NDUFAF6: variants seen among roughly 807,000 people sequenced by gnomAD.
NDUFAF6 encodes the protein NADH:ubiquinone oxidoreductase complex assembly factor 6.
In NDUFAF6, 45 loss-of-function variants were observed where a neutral mutation model predicts 40.8. The ratio of observed to expected loss-of-function variants is 1.10; its 90% CI spans 0.87 to 1.42. The LOEUF is 1.42. Among genes scored for constraint, NDUFAF6 ranks in the 40% most tolerant of loss-of-function variants. NDUFAF6 has a pLI of 0.00. For missense variants in NDUFAF6, 435 were observed against 418.5 expected (o/e 1.04, Z -0.34); for synonymous variants, 185 against 155.9 (o/e 1.19, Z -1.39).
At chr8:95,051,461 G>A (rs1048808239) in intron 7 of NDUFAF6, among the ~76,000 whole-genome samples, 1 of 152,176 alleles carries the variant, frequency 6.6e-6, no homozygotes, top group African/African-American at 2.4e-5. Flanking sequence ...GGTCAAACTG[G>A]AGTATAATGG....
chr8:95,072,039 G>C (rs769373368), intron 9 of NDUFAF6: 1 of 152,242 alleles, frequency 6.6e-6, no homozygotes, highest in Admixed American at 6.5e-5. Flanking sequence ...GGGAGTAACA[G>C]AAGATGCTGG....
intron 1 of NDUFAF6, among the ~76,000 whole-genome samples, chr8:94,968,437 G>A (rs1416947280): frequency 6.6e-6 from 1 of 152,190 alleles, no homozygotes; most frequent in Non-Finnish European, 1.5e-5. Context: ...ATGTCATTTA[G>A]GTAAAACCTG....
chr8:94,973,026 A>G (rs372441769), intron 1 of NDUFAF6, among the ~76,000 whole-genome samples: 40 of 152,180 alleles, frequency 2.6e-4, no homozygotes, highest in African/African-American at 8.0e-4. Context: ...CCAGTAAGCT[A>G]TGATAGCTTC....
At chr8:95,089,355 G>C (rs1809171984) in intron 2 of NDUFAF6, among the ~76,000 whole-genome samples, 1 of 152,138 alleles carries the variant, frequency 6.6e-6, no homozygotes. Flanking sequence ...TTACAGGTGT[G>C]AGCCACCGTA....
At chr8:95,010,865 C>CAAGACAAAGGGGAAGG (rs1220758136) in intron 2 of NDUFAF6, among the ~76,000 whole-genome samples, 3 of 152,164 alleles carry the variant, frequency 2.0e-5, no homozygotes, top group Admixed American at 2.0e-4. Flanking sequence ...TAAAGGCCGT[C>CAAGACAAAGGGGAAGG]AAGACAAAGG....
chr8:94,980,919 C>A (rs1825393619), exon 2 of NDUFAF6: 1 of 456,592 alleles, frequency 2.2e-6, no homozygotes, highest in African/African-American at 2.0e-5. Context: ...AGGAACGGCA[C>A]ATGACCCAGG....
At chr8:94,923,615 G>A (rs1819648681) in intron 1 of NDUFAF6, among the ~76,000 whole-genome samples, 1 of 151,736 alleles carries the variant, frequency 6.6e-6, no homozygotes, top group Non-Finnish European at 1.5e-5. Context: ...TGAGCTGATA[G>A]TGGTGTGTTT....
chr8:94,904,120 T>C (rs181617650), intron 1 of NDUFAF6, among the ~76,000 whole-genome samples: 3 of 151,872 alleles, frequency 2.0e-5, no homozygotes, highest in Non-Finnish European at 4.4e-5. Flanking sequence ...ATGTGTTTTT[T>C]TGTTTTTGTT....
At chr8:95,071,718 T>C (rs965874215) in intron 9 of NDUFAF6, 1 of 152,270 alleles carries the variant, frequency 6.6e-6, no homozygotes, top group African/African-American at 2.4e-5. Flanking sequence ...ATTTGGATGG[T>C]GGTGGAGATG....
chr8:94,940,227 C>T (rs750334220), intron 1 of NDUFAF6: 9 of 1,598,808 alleles, frequency 5.6e-6, no homozygotes, highest in South Asian at 4.5e-5. Flanking sequence ...GTATCTAGAT[C>T]GTAGTCCACA....
chr8:95,050,871 T>C lies in NDUFAF6; in HGVS notation c.817-1303T>C, dbSNP rs563442974. Among the ~76,000 whole-genome samples, 11 of 152,302 alleles carry C rather than the reference T, an allele frequency of 7.2e-5. No homozygotes were observed. In the South Asian group the frequency reaches 1.7e-3, roughly 23 times the overall value. ...ACACGTAACAAGGCTTGATAACTAATTGGATTGTGGCAAGACCAGATAGAG... is the reference window on the plus strand; with the variant it reads ...ACACGTAACAAGGCTTGATAACTAACTGGATTGTGGCAAGACCAGATAGAG... On this transcript the variant is annotated intron_variant, in intron 7 of 8. Coordinates refer to ENST00000396124, the MANE Select transcript of NDUFAF6 (RefSeq NM_152416.4).
At chr8:95,061,053 T>C (rs1378103196), downstream of NDUFAF6, among the ~76,000 whole-genome samples, 1 of 151,986 alleles carries the variant, frequency 6.6e-6, no homozygotes, top group East Asian at 1.9e-4. Flanking sequence ...GGGGAGGGGT[T>C]GTTGACGTTT....
At chr8:95,004,323 G>A (rs918454863) in intron 2 of NDUFAF6, among the ~76,000 whole-genome samples, 7 of 149,002 alleles carry the variant, frequency 4.7e-5, no homozygotes, top group East Asian at 2.0e-4. Context: ...TCCCACTGCT[G>A]GTATTTTCTG....
downstream of NDUFAF6, among the ~76,000 whole-genome samples, chr8:95,080,265 A>AT (rs1808785288): frequency 7.6e-6 from 1 of 131,252 alleles, no homozygotes; most frequent in African/African-American, 2.9e-5. Context: ...TTTTGTAGTG[A>AT]TTTTTTGTAG....
At chr8:94,988,798 T>A (rs1454243268) in intron 2 of NDUFAF6, 1 of 152,240 alleles carries the variant, frequency 6.6e-6, no homozygotes, top group Non-Finnish European at 1.5e-5. Context: ...CATCTACTGA[T>A]GAATGGATAA....
At chr8:95,111,991 C>G (rs1478626609) in intron 4 of NDUFAF6, among the ~76,000 whole-genome samples, 1 of 152,132 alleles carries the variant, frequency 6.6e-6, no homozygotes, top group Non-Finnish European at 1.5e-5. Context: ...CACTCCTCTG[C>G]TTAAAACCTC....
At chr8:95,072,508 A>C (rs906743713) in intron 9 of NDUFAF6, among the ~76,000 whole-genome samples, 3 of 152,206 alleles carry the variant, frequency 2.0e-5, no homozygotes, top group Non-Finnish European at 2.9e-5. Context: ...AGAGAGAGAG[A>C]GTAGAGTTGA....
chr8:94,931,509 AT>A (rs1382147401), intron 1 of NDUFAF6, among the ~76,000 whole-genome samples: 1 of 152,110 alleles, frequency 6.6e-6, no homozygotes, highest in South Asian at 2.1e-4. Flanking sequence ...GAGCTGTATG[AT>A]TTTTAAGAGT....
Position 95,066,650 on chromosome 8 carries a change from T to C in NDUFAF6, c.*512-8983T>C, listed in dbSNP as rs973106184. Among the ~76,000 whole-genome samples the C allele has an allele frequency of 3.9e-5, 6 of 152,122 alleles. 1 individual carries two copies. The highest frequency in any genetic ancestry group is 8.8e-5 in the Non-Finnish European group (6 of 68,020). On this transcript the variant is annotated intron_variant and NMD_transcript_variant, in intron 9 of 9. Transcript: ENST00000520757. Reference sequence around the variant, plus strand: ...AATGAGAATGAGAAAAATAAGGCATTTTCTCTTTTTGGTTTCCTTTTTTGT... The same window carrying C: ...AATGAGAATGAGAAAAATAAGGCATCTTCTCTTTTTGGTTTCCTTTTTTGT...
Sources: gnomAD v4.1 joint callset for allele counts (sites outside exome capture counted in the v4.1 genomes callset) on GRCh38, gnomAD v4.1.1 for gene constraint, MANE v1.5 for transcripts, NCBI Gene and HGNC (gene_info 2026-07-23, HGNC 2026-07-21) for gene names.